Variants in CNOT1 observed in about 807,000 individuals in gnomAD.
The protein encoded by CNOT1 is CCR4-NOT transcription complex subunit 1.
In CNOT1, 15 loss-of-function variants were observed where a neutral mutation model predicts 273.8. The observed-to-expected ratio is 0.05, with a 90% CI of 0.04 to 0.08. The LOEUF is 0.08. CNOT1 is among the 10% of genes least tolerant of loss of function. The pLI, the probability that CNOT1 is intolerant of heterozygous loss-of-function variation, is 1.00. For synonymous variants in CNOT1, 1,022 were observed against 1,005.5 expected, an observed-to-expected ratio of 1.02 and a Z score of -0.31; for missense variants, 1,644 against 2,912.2, an observed-to-expected ratio of 0.56 and a Z score of 10.02.
intron 13 of CNOT1, among the ~76,000 whole-genome samples, chr16:58,577,464 C>T (rs59257913): frequency 3.9e-5 from 6 of 152,256 alleles, no homozygotes; most frequent in African/African-American, 1.4e-4. Context: ...TGACCTAGAA[C>T]TAAGGCTAAC....
Position 58,520,872 on chromosome 16 carries a change from A to C in CNOT1, c.*86T>G. 3 of 1,376,862 alleles carry C rather than the reference A, an allele frequency of 2.2e-6. No individual in the cohort carries two copies. The highest frequency in any genetic ancestry group is 3.1e-6 in the Non-Finnish European group (3 of 978,216). The allele number at this position is 1,376,862 out of a possible 1,614,324, so 85.3% of individuals were successfully genotyped here. On this transcript the variant is annotated 3_prime_UTR_variant, in exon 49 of 49. Transcript: ENST00000317147. ...AACCAAAGGGCTGGGAAAGTCAGGA[A>C]GAGCTGAAAGGATTCTTCAGTCAGT...
chr16:58,602,469 C>A (rs1476719143), intron 1 of CNOT1, among the ~76,000 whole-genome samples: 1 of 139,302 alleles, frequency 7.2e-6, no homozygotes, highest in Non-Finnish European at 1.5e-5. Context: ...AGGAGAATTG[C>A]CTAAACCTGA....
At chr16:58,595,713 C>G (rs1463170482) in intron 2 of CNOT1, among the ~76,000 whole-genome samples, 3 of 152,110 alleles carry the variant, frequency 2.0e-5, no homozygotes, top group Non-Finnish European at 1.5e-5. Context: ...AGGCCATCCT[C>G]CAGGGAAGGG....
intron 2 of CNOT1, among the ~76,000 whole-genome samples, chr16:58,593,286 G>A (rs138469111): frequency 7.0e-4 from 106 of 152,170 alleles, no homozygotes; most frequent in African/African-American, 2.4e-3. Context: ...TTGGCCGGGC[G>A]CAGTGGCTCA....
chr16:58,580,782 A>G, intron 11 of CNOT1, 22 bp from the exon 12 acceptor site: 1 of 1,598,288 alleles, frequency 6.3e-7, no homozygotes, highest in South Asian at 1.1e-5. Flanking sequence ...GAAAATGCTT[A>G]CCACCATAAA....
In CNOT1 at chr16:58,521,395, A is replaced by G. The variant is rs950234879; in HGVS notation, c.6918-78T>C. 19 of 1,437,988 alleles carry G rather than the reference A, an allele frequency of 1.3e-5. No homozygotes were observed. The African/African-American group carries it at 2.0e-4, about 15-fold the overall frequency. The allele number at this position is 1,437,988 out of a possible 1,614,324, so 89.1% of individuals were successfully genotyped here. A position where few individuals can be genotyped will look rare whatever the true frequency, so the allele number is the denominator to read the frequency against. ...ATTATTCTTCCATTACTTTTTTTCT[A>G]ACTTCTCCCTGACTATTGAACCACA... On this transcript the variant is annotated intron_variant, in intron 47 of 48. Coordinates refer to ENST00000317147, the MANE Select transcript of CNOT1 (RefSeq NM_016284.5).
At chr16:58,552,453 T>C (rs942174061) in intron 22 of CNOT1, among the ~76,000 whole-genome samples, 2 of 152,170 alleles carry the variant, frequency 1.3e-5, no homozygotes, top group African/African-American at 2.4e-5. Flanking sequence ...GATCTCTCTC[T>C]CTCTCTGGCT....
intron 1 of CNOT1, among the ~76,000 whole-genome samples, chr16:58,625,380 C>T (rs972101823): frequency 6.6e-6 from 1 of 152,158 alleles, no homozygotes; most frequent in Non-Finnish European, 1.5e-5. Flanking sequence ...GGCATGGCGG[C>T]GTGCGCCTGT....
intron 1 of CNOT1, chr16:58,624,836 C>T (rs556333700): frequency 9.2e-5 from 14 of 152,232 alleles, no homozygotes; most frequent in Non-Finnish European, 5.9e-5. Context: ...CAACAAATGG[C>T]TTCATATTAA....
intron 1 of CNOT1, among the ~76,000 whole-genome samples, chr16:58,602,201 T>C (rs2042491293): frequency 6.6e-6 from 1 of 151,910 alleles, no homozygotes; most frequent in Non-Finnish European, 1.5e-5. Flanking sequence ...CCCAGGTAGC[T>C]GGGATTACTG....
intron 40 of CNOT1, chr16:58,532,992 T>C (rs774680510): frequency 5.2e-5 from 8 of 153,054 alleles, no homozygotes; most frequent in Non-Finnish European, 7.3e-5. Flanking sequence ...ACTCATGTAC[T>C]TGAGTTGCCA....
chr16:58,545,611 G>GC, intron 29 of CNOT1, 120 bp from the exon 30 acceptor site: 2 of 1,473,742 alleles, frequency 1.4e-6, no homozygotes, highest in Non-Finnish European at 1.8e-6. Flanking sequence ...GGAGAGGAGG[G>GC]AAGGATGTAG....
At chr16:58,610,319 C>T (rs773848379) in intron 1 of CNOT1, among the ~76,000 whole-genome samples, 1 of 152,102 alleles carries the variant, frequency 6.6e-6, no homozygotes, top group African/African-American at 2.4e-5. Context: ...CTCAGAGAAT[C>T]GCTTAAACGC....
chr16:58,601,759 G>T (rs2042475374), intron 1 of CNOT1, among the ~76,000 whole-genome samples: 2 of 75,560 alleles, frequency 2.6e-5, no homozygotes, highest in Non-Finnish European at 3.5e-5. Context: ...AAAAAAGCCT[G>T]TGCACGGTGG....
At chr16:58,544,294 T>C (rs1320625169) in intron 30 of CNOT1, among the ~76,000 whole-genome samples, 1 of 152,196 alleles carries the variant, frequency 6.6e-6, no homozygotes, top group Non-Finnish European at 1.5e-5. Context: ...AAAAGACTTC[T>C]TACAAAAACT....
chr16:58,562,555 G>C (rs1374558673), intron 16 of CNOT1, among the ~76,000 whole-genome samples: 1 of 151,680 alleles, frequency 6.6e-6, no homozygotes. Flanking sequence ...CAGGCACGGT[G>C]GCTCACACCT....
At chr16:58,531,200 T>C (rs1032172397) in intron 42 of CNOT1, among the ~76,000 whole-genome samples, 1 of 152,234 alleles carries the variant, frequency 6.6e-6, no homozygotes, top group African/African-American at 2.4e-5. Context: ...GTTGTGTTCC[T>C]TCCTCCTAGA....
At chr16:58,561,814 A>C (rs2040851298) in intron 16 of CNOT1, among the ~76,000 whole-genome samples, 1 of 152,182 alleles carries the variant, frequency 6.6e-6, no homozygotes, top group Admixed American at 6.5e-5. Flanking sequence ...TTCTGACCCC[A>C]AGCATTTCAA....
chr16:58,623,781 G>A lies in CNOT1; in HGVS notation c.-175+5947C>T, dbSNP rs144926786. Among the ~76,000 whole-genome samples the A allele has an allele frequency of 9.5e-3, 1,443 of 152,200 alleles. 11 individuals are homozygous for A. Among genetic ancestry groups the A allele is most frequent in the Middle Eastern group, 0.02 (6 of 294 alleles). ...AGGTGGGTCGATCGCTTGAAGTCAA[G>A]AATTCGAGACCAGCCTGACCAACAT... On this transcript the variant is annotated intron_variant, in intron 1 of 48. Coordinates refer to ENST00000317147, the MANE Select transcript of CNOT1 (RefSeq NM_016284.5).
Sources: allele counts gnomAD v4.1 joint callset (sites outside exome capture counted in the v4.1 genomes callset), GRCh38; gene constraint gnomAD v4.1.1; transcripts MANE v1.5; gene names NCBI Gene and HGNC (gene_info 2026-07-23, HGNC 2026-07-21).